The following KCNIP1 variants were observed in gnomAD, a reference collection of about 807,000 sequenced individuals.
KCNIP1 encodes A-type potassium channel modulatory protein KCNIP1.
A neutral mutation model predicts 33.0 loss-of-function variants in KCNIP1; 18 were observed. The observed-to-expected ratio is 0.55, with a 90% CI of 0.38 to 0.81. KCNIP1 has a LOEUF of 0.81. KCNIP1 is among the 30% of genes least tolerant of loss of function. The pLI, the probability that KCNIP1 is intolerant of heterozygous loss-of-function variation, is 0.00. For missense variants in KCNIP1, 238 were observed against 271.6 expected (o/e 0.88, Z 0.87); for synonymous variants, 93 against 98.3 (o/e 0.95, Z 0.32).
At chr5:170,516,019 A>G (rs1755106582) in intron 1 of KCNIP1, among the ~76,000 whole-genome samples, 1 of 152,212 alleles carries the variant, frequency 6.6e-6, no homozygotes, top group African/African-American at 2.4e-5. Flanking sequence ...GAAAACTGAC[A>G]GTGATGTTTT....
intron 1 of KCNIP1, among the ~76,000 whole-genome samples, chr5:170,471,241 A>G (rs547558415): frequency 3.9e-5 from 6 of 152,270 alleles, no homozygotes; most frequent in African/African-American, 1.4e-4. Context: ...GTGCTCTAGA[A>G]TCTGTATGGG....
chr5:170,625,875 G>A (rs906649918), intron 1 of KCNIP1, among the ~76,000 whole-genome samples: 58 of 152,328 alleles, frequency 3.8e-4, no homozygotes, highest in Admixed American at 3.1e-3. Flanking sequence ...TGGACCCAGC[G>A]AGTGAGGTGA....
chr5:170,413,386 C>T (rs1056914862), intron 1 of KCNIP1, among the ~76,000 whole-genome samples: 2 of 152,212 alleles, frequency 1.3e-5, no homozygotes, highest in African/African-American at 2.4e-5. Context: ...CATAGCTACA[C>T]AAAATTAAAA....
intron 1 of KCNIP1, among the ~76,000 whole-genome samples, chr5:170,636,588 G>A (rs74901569): frequency 0.021 from 3,219 of 152,190 alleles, 93 homozygotes; most frequent in African/African-American, 0.072. Flanking sequence ...TTCCTGATCC[G>A]AGCCCTCTGA....
In KCNIP1 at chr5:170,613,982, C is replaced by T. The variant is rs576885753; in HGVS notation, c.62-104776C>T. Among the ~76,000 whole-genome samples, 6 of 152,266 alleles carry T rather than the reference C, an allele frequency of 3.9e-5. No homozygotes were observed. In the East Asian group the frequency reaches 5.8e-4, roughly 15 times the overall value. On this transcript the variant is annotated intron_variant, in intron 1 of 7. Coordinates refer to ENST00000328939, the MANE Select transcript of KCNIP1 (RefSeq NM_014592.4). ...GTTCAACAAGAGATGGCCCCAGCTC[C>T]GGTGTCTACTGGGGAGGTGATGAAG... is the stretch of plus-strand genomic sequence containing the variant.
At chr5:170,626,056 C>T (rs1759808022) in intron 1 of KCNIP1, among the ~76,000 whole-genome samples, 1 of 152,124 alleles carries the variant, frequency 6.6e-6, no homozygotes. Flanking sequence ...GAGGCTGGAA[C>T]CAGACCCTGC....
chr5:170,493,500 C>T (rs778751276), intron 1 of KCNIP1, among the ~76,000 whole-genome samples: 12 of 152,238 alleles, frequency 7.9e-5, no homozygotes, highest in East Asian at 7.7e-4. Context: ...CAGGCATTAT[C>T]GAGTTAAGTC....
intron 1 of KCNIP1, among the ~76,000 whole-genome samples, chr5:170,714,649 T>C (rs997134002): frequency 6.6e-6 from 1 of 152,108 alleles, no homozygotes; most frequent in African/African-American, 2.4e-5. Context: ...GGCTAACGTG[T>C]GTGGTTGTGT....
intron 1 of KCNIP1, among the ~76,000 whole-genome samples, chr5:170,439,630 G>C (rs1755943486): frequency 6.6e-6 from 1 of 152,212 alleles, no homozygotes; most frequent in South Asian, 2.1e-4. Flanking sequence ...GGGAGCAGTG[G>C]CAGGCTGCTG....
intron 1 of KCNIP1, among the ~76,000 whole-genome samples, chr5:170,674,171 GGAAGGAA>G: frequency 1.1e-5 from 1 of 92,900 alleles, no homozygotes; most frequent in South Asian, 5.4e-4. Context: ...AAGGAAGGAA[GGAAGGAA>G]GGAAGGGAGG....
At position 170,390,517 on chromosome 5, in the gene KCNIP1, A is replaced by AAAAAAAAAAAAAAATATATATAT; in HGVS notation, c.88+36554_88+36555insAAAAAAAAAAAAATATATATATA. Among the ~76,000 whole-genome samples the AAAAAAAAAAAAAAATATATATAT allele has an allele frequency of 5.6e-3, 414 of 74,150 alleles. 10 individuals carry two copies. Among genetic ancestry groups the AAAAAAAAAAAAAAATATATATAT allele is most frequent in the Non-Finnish European group, 7.4e-3 (297 of 39,928 alleles). The allele number at this position is 74,150 out of a possible 152,430, so 48.6% of individuals were successfully genotyped here. On this transcript the variant is annotated intron_variant, in intron 1 of 7. Coordinates refer to the KCNIP1 transcript ENST00000377360. ...GACCCCGTCTCAAAAAAAAAAAACA[A>AAAAAAAAAAAAAAATATATATAT]ATATATATATATATATATATATTTT...
chr5:170,549,341 G>C (rs1756522357), intron 1 of KCNIP1, among the ~76,000 whole-genome samples: 1 of 152,152 alleles, frequency 6.6e-6, no homozygotes, highest in African/African-American at 2.4e-5. Flanking sequence ...GAGGGTGCAA[G>C]TGCAGTTTCG....
intron 1 of KCNIP1, among the ~76,000 whole-genome samples, chr5:170,507,505 G>T (rs116671012): frequency 5.9e-5 from 9 of 152,266 alleles, no homozygotes; most frequent in Non-Finnish European, 1.0e-4. Flanking sequence ...AGCCTTAACA[G>T]CTCATTTCTG....
chr5:170,633,135 G>C (rs1760124730), intron 1 of KCNIP1, among the ~76,000 whole-genome samples: 1 of 152,174 alleles, frequency 6.6e-6, no homozygotes, highest in Non-Finnish European at 1.5e-5. Flanking sequence ...GGCATTCTCG[G>C]GGTCTCTCCA....
At chr5:170,654,610 T>A (rs990570655) in intron 1 of KCNIP1, among the ~76,000 whole-genome samples, 1 of 152,234 alleles carries the variant, frequency 6.6e-6, no homozygotes, top group Non-Finnish European at 1.5e-5. Flanking sequence ...GTTGGATTTG[T>A]TCATTACTGT....
At chr5:170,635,329 CAAG>C (rs1760239173) in intron 1 of KCNIP1, among the ~76,000 whole-genome samples, 1 of 152,210 alleles carries the variant, frequency 6.6e-6, no homozygotes, top group African/African-American at 2.4e-5. Flanking sequence ...CACGCCCGGC[CAAG>C]AAGACCTTTT....
At chr5:170,725,607 C>G (rs1408377057) in intron 5 of KCNIP1, among the ~76,000 whole-genome samples, 1 of 152,046 alleles carries the variant, frequency 6.6e-6, no homozygotes, top group Non-Finnish European at 1.5e-5. Context: ...TATTTGGTAG[C>G]ACAACAAGGT....
chr5:170,693,036 T>C (rs1762772000), intron 1 of KCNIP1, among the ~76,000 whole-genome samples: 1 of 152,182 alleles, frequency 6.6e-6, no homozygotes, highest in Admixed American at 6.5e-5. Context: ...TAGAGAGAAC[T>C]GCCCAAGGTT....
upstream of KCNIP1, among the ~76,000 whole-genome samples, chr5:170,500,274 C>T (rs1162305651): frequency 1.3e-5 from 2 of 152,160 alleles, no homozygotes; most frequent in Non-Finnish European, 2.9e-5. Flanking sequence ...TCAAATACAG[C>T]CATACAGGGG....
Sources: gnomAD v4.1 joint callset for allele counts (sites outside exome capture counted in the v4.1 genomes callset) on GRCh38, gnomAD v4.1.1 for gene constraint, MANE v1.5 for transcripts, NCBI Gene and HGNC (gene_info 2026-07-23, HGNC 2026-07-21) for gene names.